NUP205: variants seen among roughly 807,000 people sequenced by gnomAD.
NUP205 encodes nuclear pore complex protein Nup205.
NUP205 carries 76 observed loss-of-function variants against 253.8 expected under a neutral mutation model. The observed-to-expected ratio is 0.30, with a 90% confidence interval of 0.25 to 0.36. NUP205 has a LOEUF of 0.36. NUP205 is among the 10% of genes least tolerant of loss of function. NUP205 has a pLI of 1.00. For missense variants in NUP205, 2,162 were observed against 2,425.5 expected (o/e 0.89, Z 2.28); for synonymous variants, 832 against 850.1 (o/e 0.98, Z 0.37).
At chr7:135,562,104 A>C (rs1307044067) in intron 1 of NUP205, among the ~76,000 whole-genome samples, 1 of 151,870 alleles carries the variant, frequency 6.6e-6, no homozygotes, top group Admixed American at 6.6e-5. Context: ...CATACCTCCT[A>C]TTCCTTCACC....
chr7:135,594,631 C>T lies in NUP205; in HGVS notation c.1915C>T (p.Pro639Ser). The change falls in exon 13 of 43, where the codon CCC (proline) becomes TCC (serine). Residue 639 changes from proline (P) to serine (S), a missense_variant. Coordinates refer to ENST00000285968, the MANE Select transcript of NUP205 (RefSeq NM_015135.3). ...VILGLLQCSI[P>S]PVLKAELLKT... is the part of the protein sequence containing the mutation. Reference sequence around the variant, plus strand: ...TCTGGGACTCCTCCAATGCAGTATTCCCCCTGTCCTAAAAGCTGAGCTACT... The same window carrying T: ...TCTGGGACTCCTCCAATGCAGTATTTCCCCTGTCCTAAAAGCTGAGCTACT... 4 of 1,613,672 alleles carry T rather than the reference C, an allele frequency of 2.5e-6. No homozygotes were observed. The highest frequency in any genetic ancestry group is 3.4e-6 in the Non-Finnish European group (4 of 1,179,690).
In NUP205 at chr7:135,573,723, C is replaced by T; in HGVS notation, c.241C>T (p.Gln81Ter). The T allele has an allele frequency of 6.2e-7, 1 of 1,613,936 alleles. No homozygotes were observed. Among genetic ancestry groups the T allele is most frequent in the Non-Finnish European group, 8.5e-7 (1 of 1,179,856 alleles). The change falls in exon 3 of 43, where the codon CAG becomes TAG. Residue 81 changes from glutamine to a stop codon, truncating the protein, a stop_gained. Transcript: ENST00000285968. LOFTEE classifies it high-confidence loss of function. Reference sequence around the variant, plus strand: ...AGAGGGAGTCGCCATTCAGGGTCAACAGGGAACTCGACTTCTTCCTGAACA... The same window carrying T: ...AGAGGGAGTCGCCATTCAGGGTCAATAGGGAACTCGACTTCTTCCTGAACA... ...STEGVAIQGQ[Q>*]GTRLLPEQLI...
chr7:135,559,348 C>T (rs1366385342), intron 1 of NUP205, among the ~76,000 whole-genome samples: 2 of 152,124 alleles, frequency 1.3e-5, no homozygotes, highest in Admixed American at 6.6e-5. Flanking sequence ...TAATACATTT[C>T]TCTATTTTAT....
intron 1 of NUP205, among the ~76,000 whole-genome samples, chr7:135,559,522 C>T (rs1249487304): frequency 6.6e-6 from 1 of 151,942 alleles, no homozygotes; most frequent in African/African-American, 2.4e-5. Context: ...AGGCATGTGC[C>T]ACCACGCTGG....
rs1038748314 is a variant in NUP205 at position 135,626,306 on chromosome 7, G to T, written c.4738G>T (p.Val1580Leu). The T allele has an allele frequency of 1.2e-6, 2 of 1,614,000 alleles. No homozygotes were observed. Among genetic ancestry groups the T allele is most frequent in the Non-Finnish European group, 1.7e-6 (2 of 1,180,006 alleles). ...AGAGCTGCTAAGATCAGGGGTGATT[G>T]TGAGACTAGCTCAATGCCAAGTCTA... Reference protein sequence around the residue: ...ALELLRSGVIVRLAQCQVYDM... With the variant: ...ALELLRSGVILRLAQCQVYDM... The change falls in exon 33 of 43, where the codon GTG becomes TTG. Residue 1580 changes from valine to leucine, a missense_variant. Transcript: ENST00000285968.
At chr7:135,621,394 TTTC>T (rs1398410369) in intron 30 of NUP205, among the ~76,000 whole-genome samples, 1 of 152,238 alleles carries the variant, frequency 6.6e-6, no homozygotes, top group Admixed American at 6.5e-5. Context: ...TGTGTGTGTT[TTTC>T]TTAACATTCC....
rs185209534 is a variant in NUP205 at position 135,563,896 on chromosome 7, G to A, written c.28+5924G>A. ...CCTAGCTACTAGAGAAGCTGAGGCA[G>A]GAGGTTGCTTGAGCCCAGGAGTTTG... On this transcript the variant is annotated intron_variant, in intron 1 of 42. Transcript: ENST00000285968. Among the ~76,000 whole-genome samples, 125 of 152,134 alleles carry A rather than the reference G, an allele frequency of 8.2e-4. 2 individuals are homozygous for A. The highest frequency in any genetic ancestry group is 2.7e-3 in the African/African-American group (113 of 41,444).
intron 7 of NUP205, among the ~76,000 whole-genome samples, chr7:135,584,068 C>T (rs1307280853): frequency 6.6e-6 from 1 of 151,970 alleles, no homozygotes; most frequent in Non-Finnish European, 1.5e-5. Flanking sequence ...GGTGATCCTC[C>T]CAAAGTGCTG....
chr7:135,610,717 C>G (rs1003351336), intron 22 of NUP205, among the ~76,000 whole-genome samples: 4 of 152,106 alleles, frequency 2.6e-5, no homozygotes, highest in Non-Finnish European at 4.4e-5. Context: ...TGTACTTCAC[C>G]CTGCTTCAGA....
chr7:135,632,742 C>T (rs1311906012), intron 35 of NUP205, among the ~76,000 whole-genome samples: 1 of 152,078 alleles, frequency 6.6e-6, no homozygotes, highest in Non-Finnish European at 1.5e-5. Flanking sequence ...CTTGTCTCTA[C>T]TAAGGTCCTG....
At chr7:135,616,256 A>T (rs1355539568) in intron 24 of NUP205, among the ~76,000 whole-genome samples, 191 bp downstream of exon 24, 1 of 152,164 alleles carries the variant, frequency 6.6e-6, no homozygotes, top group African/African-American at 2.4e-5. Flanking sequence ...AAGCATCCAT[A>T]TTACACTATA....
chr7:135,569,316 G>T (rs1473851191), intron 1 of NUP205, among the ~76,000 whole-genome samples: 2 of 152,072 alleles, frequency 1.3e-5, no homozygotes, highest in African/African-American at 4.8e-5. Context: ...CAGGTGATCC[G>T]CCCGCCTTGG....
intron 5 of NUP205, 103 bp from the exon 6 acceptor site, chr7:135,577,693 A>G: frequency 2.5e-6 from 2 of 798,206 alleles, no homozygotes; most frequent in Admixed American, 2.7e-5. Flanking sequence ...GTGGATTTTG[A>G]TAGGTTTTTT....
At position 135,648,516 on chromosome 7, in the gene NUP205, T is replaced by C. The variant is rs1309050984; in HGVS notation, c.5999T>C (p.Val2000Ala). Residue 2000 changes from valine to alanine, a missense_variant, in exon 43 of 43, where the codon GTC becomes GCC. Physicochemically the swap from Val to Ala is moderately conservative, Grantham distance 64. Around this residue, in one of 5 missense-constraint regions of NUP205, gnomAD observed 1,144 missense variants for 1,280.9 expected, o/e 0.89. Coordinates refer to ENST00000285968, the MANE Select transcript of NUP205 (RefSeq NM_015135.3). ...CGATATAGTTTCATACAGGCTCTTG[T>C]CAGACGTATCCGTGGCCTCTTGAGG... Reference protein sequence around the residue: ...RSRYSFIQALVRRIRGLLRIS... With the variant: ...RSRYSFIQALARRIRGLLRIS... 2 of 1,600,540 alleles carry C rather than the reference T, an allele frequency of 1.2e-6. No homozygotes were observed. The highest frequency in any genetic ancestry group is 8.5e-7 in the Non-Finnish European group (1 of 1,175,434).
chr7:135,638,674 C>G lies in NUP205; in HGVS notation c.5383C>G (p.Pro1795Ala). Residue 1795 changes from proline to alanine, a missense_variant, in exon 38 of 43, where the codon CCG becomes GCG. Coordinates refer to ENST00000285968, the MANE Select transcript of NUP205 (RefSeq NM_015135.3). The part of the protein sequence containing the change: ...SLSETVNRDG[P>A]RQDTQAPVVP... ...TTCAGAAACAGTTAATAGAGATGGACCGCGGCAAGGTGAGCTTAGTTTTTC... is the reference window on the plus strand; with the variant it reads ...TTCAGAAACAGTTAATAGAGATGGAGCGCGGCAAGGTGAGCTTAGTTTTTC... 1 of 1,614,126 alleles carries G rather than the reference C, an allele frequency of 6.2e-7. No individual in the cohort carries two copies. The highest frequency in any genetic ancestry group is 8.5e-7 in the Non-Finnish European group (1 of 1,180,020).
chr7:135,594,832 T>C (rs1243453538), intron 13 of NUP205, 103 bp downstream of exon 13: 1 of 856,900 alleles, frequency 1.2e-6, no homozygotes, highest in Non-Finnish European at 1.8e-6. Context: ...TAGTATATCA[T>C]GAACATCCCA....
At chr7:135,569,212 A>G (rs1452913258) in intron 1 of NUP205, among the ~76,000 whole-genome samples, 1 of 152,168 alleles carries the variant, frequency 6.6e-6, no homozygotes, top group Non-Finnish European at 1.5e-5. Context: ...CTGGGATTAC[A>G]GGCGCGTGCC....
At chr7:135,587,765 C>T in intron 9 of NUP205, 74 bp downstream of exon 9, 1 of 1,530,870 alleles carries the variant, frequency 6.5e-7, no homozygotes, top group South Asian at 1.2e-5. Flanking sequence ...TGGAAAATTT[C>T]AGGTGTAATA....
At chr7:135,570,758 ATATAT>A (rs1805956254) in intron 1 of NUP205, among the ~76,000 whole-genome samples, 2 of 91,424 alleles carry the variant, frequency 2.2e-5, no homozygotes, top group South Asian at 6.2e-4. Context: ...AATTATATTT[ATATAT>A]TATATTAATA....
Sources: gnomAD v4.1 joint callset for allele counts (sites outside exome capture counted in the v4.1 genomes callset) on GRCh38, gnomAD v4.1.1 for gene constraint, gnomAD v4.1.1 regional missense constraint, MANE v1.5 for transcripts, NCBI Gene and HGNC (gene_info 2026-07-23, HGNC 2026-07-21) for gene names.